Variants in DNAJB14 observed in about 807,000 individuals in gnomAD.
DNAJB14 encodes the protein dnaJ homolog subfamily B member 14.
A neutral mutation model predicts 48.4 loss-of-function variants in DNAJB14; 22 were observed. That is an observed-to-expected ratio of 0.45 (90% CI 0.32 to 0.65). The LOEUF (loss-of-function observed/expected upper bound fraction) is 0.65. Ranked by LOEUF, DNAJB14 falls within the 30% of genes least tolerant of loss-of-function variation. The pLI is 0.03. For missense variants in DNAJB14, 319 were observed against 458.8 expected (o/e 0.70, Z 2.78); for synonymous variants, 142 against 158.7 (o/e 0.89, Z 0.79).
At position 99,899,930 on chromosome 4, in the gene DNAJB14, T is replaced by C. The variant is rs1185303505; in HGVS notation, c.*1098A>G. On this transcript the variant is annotated 3_prime_UTR_variant, in exon 8 of 8. Transcript: ENST00000442697. ...TAAAGGATGACTTGCTTTAAGTTAC[T>C]ATTCTACGTGCTGCTCTATTTCTGC... 6.6e-6 allele frequency: 1 copy of C among 152,402 alleles called. No homozygotes were observed. Among genetic ancestry groups the C allele is most frequent in the Non-Finnish European group, 1.5e-5 (1 of 67,848 alleles). The allele number at this position is 152,402 out of a possible 1,614,324, so 9.4% of individuals were successfully genotyped here. A position where few individuals can be genotyped will look rare whatever the true frequency, so the allele number is the denominator to read the frequency against.
chr4:99,939,739 C>G (rs901508904), intron 1 of DNAJB14, among the ~76,000 whole-genome samples: 1 of 152,198 alleles, frequency 6.6e-6, no homozygotes, highest in African/African-American at 2.4e-5. Flanking sequence ...GCTTAATCAT[C>G]TTAAAAATGG....
chr4:99,903,683 A>G (rs1284152959), intron 7 of DNAJB14, 43 bp downstream of exon 7: 30 of 1,568,624 alleles, frequency 1.9e-5, no homozygotes, highest in Non-Finnish European at 2.6e-5. Flanking sequence ...AGTTCCAAAG[A>G]CTGCGAATAA....
rs1725373258 is a variant in DNAJB14, at chr4:99,903,747, A to G, written c.994T>C (p.Cys332Arg). 1 of 1,608,534 alleles carries G rather than the reference A, an allele frequency of 6.2e-7. No individual in the cohort carries two copies. The highest frequency in any genetic ancestry group is 1.3e-5 in the African/African-American group (1 of 74,382). The part of the protein sequence containing the change: ...EDYVTNIRNN[C>R]WKERQQKTDM... ...TTACTTTGTTGTCTTTCTTTCCAGCAGTTATTTCGAATATTAGTCACATAA... is the reference window on the plus strand; with the variant it reads ...TTACTTTGTTGTCTTTCTTTCCAGCGGTTATTTCGAATATTAGTCACATAA... The change falls in exon 7 of 8, where the codon TGC becomes CGC. Residue 332 changes from cysteine to arginine, a missense_variant. Cys to Arg is a radical substitution (Grantham distance 180, BLOSUM62 -3). Coordinates refer to ENST00000442697, the MANE Select transcript of DNAJB14 (RefSeq NM_001031723.4).
At position 99,923,382 on chromosome 4, in the gene DNAJB14, C is replaced by T. The variant is rs1040025918; in HGVS notation, c.306-197G>A. 6.2e-4 allele frequency among the ~76,000 whole-genome samples: 94 copies of T among 152,062 alleles called. 1 individual carries two copies. The highest frequency in any genetic ancestry group is 6.6e-4 in the Admixed American group (10 of 15,238). On this transcript the variant is annotated intron_variant, in intron 2 of 7. Transcript: ENST00000442697. ...ACAGACCATTCCTCCAACCTCTTCC[C>T]GAATCTAAGAAGAGTAAACCATGAA...
intron 2 of DNAJB14, 89 bp downstream of exon 2, chr4:99,930,361 T>C (rs1726418758): frequency 7.6e-7 from 1 of 1,310,922 alleles, no homozygotes; most frequent in East Asian, 2.4e-5. Context: ...ATTCTTCTAA[T>C]GTTATATTTC....
intron 4 of DNAJB14, among the ~76,000 whole-genome samples, chr4:99,907,287 C>T (rs1725499532): frequency 6.6e-6 from 1 of 152,130 alleles, no homozygotes; most frequent in African/African-American, 2.4e-5. Context: ...TGTATTCTAA[C>T]ATGTCAAAAC....
chr4:99,922,891 T>C (rs749322084), intron 3 of DNAJB14, 149 bp downstream of exon 3: 13 of 862,764 alleles, frequency 1.5e-5, no homozygotes, highest in Non-Finnish European at 2.2e-5. Context: ...TATAACCAGT[T>C]AATACTGAAG....
chr4:99,901,135 C>CAT lies in DNAJB14; in HGVS notation c.1031_1032dup (p.Ala345MetfsTer18). On this transcript the variant is annotated frameshift_variant, in exon 8 of 8. Transcript: ENST00000442697. LOFTEE classifies it high-confidence loss of function. Reference sequence around the variant, plus strand: ...CGATCATCACGGTATACTTTTGCTGCATACTGCATATCTGTTTCTGTTAAT... The same window carrying CAT: ...CGATCATCACGGTATACTTTTGCTGCATATACTGCATATCTGTTTCTGTTAAT... 6.2e-7 allele frequency: 1 copy of CAT among 1,605,186 alleles called. No individual in the cohort carries two copies. Among genetic ancestry groups the CAT allele is most frequent in the Non-Finnish European group, 8.5e-7 (1 of 1,177,536 alleles).
intron 1 of DNAJB14, among the ~76,000 whole-genome samples, chr4:99,940,950 TA>T (rs199739259): frequency 1.8e-4 from 27 of 150,546 alleles, no homozygotes; most frequent in African/African-American, 4.4e-4. Flanking sequence ...TATATATATA[TA>T]TTTTTTTTTT....
At chr4:99,940,759 T>C (rs1726862122) in intron 1 of DNAJB14, among the ~76,000 whole-genome samples, 1 of 151,870 alleles carries the variant, frequency 6.6e-6, no homozygotes, top group Non-Finnish European at 1.5e-5. Flanking sequence ...ATAATCTACC[T>C]GTTTTTAGCT....
At chr4:99,919,169 A>G (rs1009278026) in intron 3 of DNAJB14, among the ~76,000 whole-genome samples, 2 of 152,020 alleles carry the variant, frequency 1.3e-5, no homozygotes, top group Non-Finnish European at 2.9e-5. Flanking sequence ...TTTCTAGGCT[A>G]TCCCTTTCCT....
chr4:99,906,879 T>G (rs777743486), intron 4 of DNAJB14, among the ~76,000 whole-genome samples: 7 of 152,222 alleles, frequency 4.6e-5, no homozygotes, highest in Non-Finnish European at 8.8e-5. Context: ...GAGGTTTTTA[T>G]AAACCTCTTT....
rs1202116070 is a variant in DNAJB14, at chr4:99,928,806, C to T, written c.305+1644G>A. On this transcript the variant is annotated intron_variant, in intron 2 of 7. Transcript: ENST00000442697. ...GAATCCTTCATTGAGAATATGTTCT[C>T]CCAACATAAATTAAATCCTATAAGC... 7 of 156,012 alleles carry T rather than the reference C, an allele frequency of 4.5e-5. No homozygotes were observed. In the East Asian group the frequency reaches 1.3e-3, roughly 29 times the overall value. 9.7% of individuals were successfully genotyped at this position (156,012 alleles called of 1,614,324 possible).
At chr4:99,942,463 T>C (rs918681654) in intron 1 of DNAJB14, 2 of 152,094 alleles carry the variant, frequency 1.3e-5, no homozygotes, top group Admixed American at 1.3e-4. Context: ...ATTCAGAAAC[T>C]ACAGTTACTG....
chr4:99,926,744 A>C (rs1243786640), intron 2 of DNAJB14: 1 of 152,084 alleles, frequency 6.6e-6, no homozygotes, highest in South Asian at 2.1e-4. Context: ...GACAAACAAA[A>C]AAAAAAGGGG....
intron 3 of DNAJB14, among the ~76,000 whole-genome samples, chr4:99,921,464 A>G (rs1726058526): frequency 6.6e-6 from 1 of 152,220 alleles, no homozygotes; most frequent in Non-Finnish European, 1.5e-5. Context: ...TATGTTACAT[A>G]CATTTAGTGT....
intron 4 of DNAJB14, 45 bp from the exon 5 acceptor site, chr4:99,906,656 T>C: frequency 7.0e-7 from 1 of 1,436,304 alleles, no homozygotes; most frequent in Non-Finnish European, 9.6e-7. Context: ...GCAATTATGA[T>C]CAGAAAAAAT....
At chr4:99,906,651 TATG>T (rs1353614248) in intron 4 of DNAJB14, 40 bp from the exon 5 acceptor site, 1 of 1,468,228 alleles carries the variant, frequency 6.8e-7, no homozygotes, top group Non-Finnish European at 9.4e-7. Flanking sequence ...GGAGAGCAAT[TATG>T]ATCAGAAAAA....
intron 1 of DNAJB14, among the ~76,000 whole-genome samples, chr4:99,944,317 C>T (rs1275603488): frequency 2.0e-5 from 3 of 152,076 alleles, no homozygotes; most frequent in African/African-American, 4.8e-5. Context: ...ATGGTGCAGG[C>T]GCTACAGAAA....
Sources: allele counts gnomAD v4.1 joint callset (sites outside exome capture counted in the v4.1 genomes callset), GRCh38; gene constraint gnomAD v4.1.1; transcripts MANE v1.5; gene names NCBI Gene and HGNC (gene_info 2026-07-23, HGNC 2026-07-21).